Variants in NPAS3 observed in about 807,000 individuals in gnomAD.
The protein encoded by NPAS3 is neuronal PAS domain-containing protein 3.
Under a neutral mutation model 73.1 loss-of-function variants are expected in NPAS3, and 14 were observed. The ratio of observed to expected loss-of-function variants is 0.19; its 90% CI spans 0.13 to 0.30. The LOEUF is 0.30. NPAS3 is among the 10% of genes least tolerant of loss of function. NPAS3 has a pLI of 1.00. For synonymous variants in NPAS3, 620 were observed against 541.5 expected (o/e 1.14, Z -2.01); for missense variants, 1,096 against 1,250.0 (o/e 0.88, Z 1.86).
At chr14:32,994,631 TTTTTG>T (rs1195843128) in intron 1 of NPAS3, among the ~76,000 whole-genome samples, 1 of 113,490 alleles carries the variant, frequency 8.8e-6, no homozygotes, top group African/African-American at 4.9e-5. Flanking sequence ...TGTTTGTTTG[TTTTTG>T]TTTTTTTTTT....
intron 2 of NPAS3, among the ~76,000 whole-genome samples, chr14:33,127,160 C>G (rs533023014): frequency 2.0e-5 from 3 of 151,546 alleles, no homozygotes; most frequent in East Asian, 3.9e-4. Context: ...ACATTACATC[C>G]TCTGTAAATG....
At chr14:33,802,392 G>GAAAAAAAAAAAAAAAAAAAAAAAA (rs1161378596), downstream of NPAS3, 1 of 92,190 alleles carries the variant, frequency 1.1e-5, no homozygotes, top group Non-Finnish European at 2.4e-5. Context: ...AAAAAAAAAA[G>GAAAAAAAAAAAAAAAAAAAAAAAA]AAAAAAAAAA....
intron 5 of NPAS3, among the ~76,000 whole-genome samples, chr14:33,612,209 A>C (rs1416976159): frequency 9.2e-5 from 14 of 152,142 alleles, no homozygotes. Context: ...CCTGCCGGGG[A>C]GAATGAAAAG....
chr14:33,022,037 A>G (rs1003716685), intron 1 of NPAS3, among the ~76,000 whole-genome samples: 5 of 152,208 alleles, frequency 3.3e-5, no homozygotes, highest in African/African-American at 7.2e-5. Flanking sequence ...TGCATCTGTC[A>G]GATCCCAAAC....
At chr14:33,535,397 A>G (rs2140207152) in intron 4 of NPAS3, among the ~76,000 whole-genome samples, 1 of 152,344 alleles carries the variant, frequency 6.6e-6, no homozygotes, top group South Asian at 2.1e-4. Context: ...CCCAGAGCAG[A>G]TGCAAATGTG....
At chr14:32,959,485 T>C (rs1055649274) in intron 1 of NPAS3, among the ~76,000 whole-genome samples, 2 of 152,256 alleles carry the variant, frequency 1.3e-5, no homozygotes, top group Non-Finnish European at 1.5e-5. Context: ...CAGAAAACTA[T>C]GTTTACATTT....
Position 33,169,891 on chromosome 14 carries a change from C to G in NPAS3, c.141-45291C>G, listed in dbSNP as rs552166908. ...TGAGACCTTGTCGGTACCTGATTCT[C>G]GAAAGGTCACAGCAGCTTATCTGGA... On this transcript the variant is annotated intron_variant, in intron 2 of 11. Coordinates refer to ENST00000356141, the Ensembl canonical transcript of NPAS3. Among the ~76,000 whole-genome samples the G allele has an allele frequency of 2.0e-5, 3 of 152,284 alleles. No individual in the cohort carries two copies. The East Asian group carries it at 5.8e-4, about 29-fold the overall frequency.
chr14:33,172,707 A>G (rs898868249), intron 2 of NPAS3, among the ~76,000 whole-genome samples: 3 of 151,456 alleles, frequency 2.0e-5, no homozygotes, highest in Admixed American at 6.6e-5. Flanking sequence ...CAGCACTCCA[A>G]CTCCAACCTG....
chr14:33,612,426 C>A (rs1368382438), intron 5 of NPAS3: 3 of 455,928 alleles, frequency 6.6e-6, no homozygotes, highest in Non-Finnish European at 1.3e-5. Context: ...GTGTTCACCT[C>A]TCCAGTCACA....
At chr14:33,390,078 T>A (rs774371929) in intron 4 of NPAS3, among the ~76,000 whole-genome samples, 3 of 152,158 alleles carry the variant, frequency 2.0e-5, no homozygotes, top group Non-Finnish European at 4.4e-5. Context: ...TCACAGAATC[T>A]GTATGTGAGG....
chr14:33,239,540 A>G (rs528587655), intron 3 of NPAS3, among the ~76,000 whole-genome samples: 1 of 151,992 alleles, frequency 6.6e-6, no homozygotes, highest in South Asian at 2.1e-4. Context: ...ACCAGGAAGA[A>G]AGCCTTGCTC....
chr14:33,103,688 G>A (rs763918991), intron 2 of NPAS3, among the ~76,000 whole-genome samples: 14 of 152,174 alleles, frequency 9.2e-5, no homozygotes, highest in Admixed American at 4.6e-4. Context: ...TGTGTTGAGA[G>A]TGATTGGGTA....
At chr14:32,979,349 T>C (rs2037809033) in intron 1 of NPAS3, among the ~76,000 whole-genome samples, 1 of 152,208 alleles carries the variant, frequency 6.6e-6, no homozygotes, top group East Asian at 1.9e-4. Context: ...AAATAAGATT[T>C]AGAATTTACA....
At chr14:33,427,623 CTGATTCTAACAG>C (rs941855315) in intron 4 of NPAS3, among the ~76,000 whole-genome samples, 1 of 151,780 alleles carries the variant, frequency 6.6e-6, no homozygotes, top group African/African-American at 2.4e-5. Context: ...AACTTTGAAT[CTGATTCTAACAG>C]TGATTACAAG....
intron 3 of NPAS3, among the ~76,000 whole-genome samples, chr14:33,361,719 A>G (rs1594769314): frequency 1.3e-5 from 2 of 152,336 alleles, no homozygotes; most frequent in African/African-American, 2.4e-5. Flanking sequence ...AATTGGTGAT[A>G]TAACATGTTA....
At chr14:33,207,166 T>TTA (rs2046851015) in intron 2 of NPAS3, among the ~76,000 whole-genome samples, 1 of 151,856 alleles carries the variant, frequency 6.6e-6, no homozygotes, top group African/African-American at 2.4e-5. Flanking sequence ...TTCTTGTAAC[T>TTA]TCAGGGGGAT....
chr14:33,775,362 T>C (rs969860328), intron 8 of NPAS3, among the ~76,000 whole-genome samples: 3 of 152,056 alleles, frequency 2.0e-5, no homozygotes, highest in African/African-American at 7.2e-5. Flanking sequence ...CTGCGTCAAT[T>C]TGGGGAGGAT....
chr14:32,969,492 C>G (rs1169779665), intron 1 of NPAS3, among the ~76,000 whole-genome samples: 2 of 152,134 alleles, frequency 1.3e-5, no homozygotes, highest in Non-Finnish European at 2.9e-5. Context: ...CATATTGTGA[C>G]ATAAATATTG....
At chr14:33,779,329 G>C (rs1050517693) in intron 9 of NPAS3, among the ~76,000 whole-genome samples, 3 of 152,300 alleles carry the variant, frequency 2.0e-5, no homozygotes, top group Middle Eastern at 3.4e-3. Flanking sequence ...CTGGCTGTTC[G>C]CACTGTCCAT....
Sources: gnomAD v4.1 joint callset for allele counts (sites outside exome capture counted in the v4.1 genomes callset) on GRCh38, gnomAD v4.1.1 for gene constraint, MANE v1.5 for transcripts, NCBI Gene and HGNC (gene_info 2026-07-23, HGNC 2026-07-21) for gene names.